The following STX8 variants were observed in gnomAD, a reference collection of about 807,000 sequenced individuals.
The protein encoded by STX8 is syntaxin-8.
STX8 carries 23 observed loss-of-function variants against 37.5 expected under a neutral mutation model. That is an observed-to-expected ratio of 0.61 (90% CI 0.44 to 0.87). The LOEUF (loss-of-function observed/expected upper bound fraction) is 0.87. Ranked by LOEUF, STX8 falls within the 40% of genes least tolerant of loss-of-function variation. The pLI, the probability that STX8 is intolerant of heterozygous loss-of-function variation, is 0.00. For synonymous variants in STX8, 115 were observed against 99.1 expected (o/e 1.16, Z -0.95); for missense variants, 313 against 284.7 (o/e 1.10, Z -0.71).
At chr17:9,324,183 G>A (rs1278007759) in intron 7 of STX8, among the ~76,000 whole-genome samples, 2 of 151,514 alleles carry the variant, frequency 1.3e-5, no homozygotes, top group East Asian at 1.9e-4. Flanking sequence ...CCAGTTGTAC[G>A]TGTATGTACA....
intron 4 of STX8, among the ~76,000 whole-genome samples, chr17:9,510,366 A>G (rs1330524890): frequency 1.3e-5 from 2 of 152,196 alleles, no homozygotes; most frequent in African/African-American, 4.8e-5. Flanking sequence ...TGGACTGACC[A>G]TATGTTAGGA....
At chr17:9,400,603 C>T (rs948837045) in intron 6 of STX8, among the ~76,000 whole-genome samples, 2 of 152,010 alleles carry the variant, frequency 1.3e-5, no homozygotes, top group Non-Finnish European at 2.9e-5. Context: ...CAGGGTTTCA[C>T]CATGTTGGTC....
At chr17:9,437,608 C>G (rs1904481384) in intron 6 of STX8, among the ~76,000 whole-genome samples, 1 of 152,212 alleles carries the variant, frequency 6.6e-6, no homozygotes, top group Non-Finnish European at 1.5e-5. Flanking sequence ...CATGTTAGGC[C>G]TCAATAGTTA....
intron 7 of STX8, among the ~76,000 whole-genome samples, chr17:9,273,735 C>G (rs1335335044): frequency 2.0e-5 from 3 of 152,264 alleles, no homozygotes; most frequent in African/African-American, 7.2e-5. Flanking sequence ...AGGCTATTGG[C>G]TAATTGCAGA....
chr17:9,546,538 G>C (rs1434749227), intron 3 of STX8, among the ~76,000 whole-genome samples: 9 of 145,166 alleles, frequency 6.2e-5, no homozygotes, highest in African/African-American at 2.3e-4. Flanking sequence ...ACTTCCCTTG[G>C]ACTAAGTACA....
At chr17:9,501,495 A>G (rs974223773) in intron 5 of STX8, among the ~76,000 whole-genome samples, 50 of 151,372 alleles carry the variant, frequency 3.3e-4, no homozygotes, top group African/African-American at 1.2e-3. Flanking sequence ...GTTTGAGACC[A>G]GCCTGGCCAA....
intron 6 of STX8, among the ~76,000 whole-genome samples, chr17:9,463,894 G>A (rs534769984): frequency 1.3e-3 from 198 of 147,602 alleles, no homozygotes; most frequent in Non-Finnish European, 2.2e-3. Context: ...GGCAACAAGA[G>A]TGAAACTCCA....
At chr17:9,426,332 G>A (rs9914395) in intron 6 of STX8, among the ~76,000 whole-genome samples, 78,515 of 151,562 alleles carry the variant, frequency 0.52, 21,038 homozygotes, top group African/African-American at 0.63. Flanking sequence ...TTTGAGACCA[G>A]CCTGGCCAAC....
intron 6 of STX8, among the ~76,000 whole-genome samples, chr17:9,391,912 C>T (rs979874084): frequency 6.6e-6 from 1 of 152,120 alleles, no homozygotes; most frequent in Non-Finnish European, 1.5e-5. Context: ...CCTGGATTCT[C>T]CTTTGAGAAG....
At chr17:9,354,117 T>A (rs1373588614) in intron 7 of STX8, among the ~76,000 whole-genome samples, 5 of 152,294 alleles carry the variant, frequency 3.3e-5, no homozygotes, top group Middle Eastern at 3.4e-3. Context: ...ACCTTCTCTT[T>A]CATTATAGGA....
intron 5 of STX8, among the ~76,000 whole-genome samples, chr17:9,495,359 T>C (rs1370091974): frequency 6.6e-6 from 1 of 152,186 alleles, no homozygotes; most frequent in African/African-American, 2.4e-5. Context: ...GATGTTATAG[T>C]AAAATTCTAA....
chr17:9,520,565 G>A (rs1266806700), intron 4 of STX8, among the ~76,000 whole-genome samples: 6 of 152,070 alleles, frequency 3.9e-5, no homozygotes, highest in East Asian at 1.9e-4. Flanking sequence ...CAGTAAATAC[G>A]TTAGATATCT....
At chr17:9,415,683 G>A (rs1332325891) in intron 6 of STX8, among the ~76,000 whole-genome samples, 1 of 152,148 alleles carries the variant, frequency 6.6e-6, no homozygotes, top group Non-Finnish European at 1.5e-5. Flanking sequence ...GCAAGAGAAT[G>A]GCGTGAACCC....
chr17:9,518,718 A>G (rs1975833), intron 4 of STX8, among the ~76,000 whole-genome samples: 104,806 of 151,766 alleles, frequency 0.69, 38,088 homozygotes, highest in Middle Eastern at 0.85. Context: ...AATACAAAAA[A>G]TTAGCTGGGC....
At chr17:9,546,618 A>C (rs1404148716) in intron 3 of STX8, among the ~76,000 whole-genome samples, 1 of 3,346 alleles carries the variant, frequency 3.0e-4, no homozygotes, top group South Asian at 0.011. Context: ...TTTTTTTTGG[A>C]GACGGAGCCT....
At chr17:9,303,791 C>T (rs1908865771) in intron 7 of STX8, among the ~76,000 whole-genome samples, 1 of 151,950 alleles carries the variant, frequency 6.6e-6, no homozygotes, top group Admixed American at 6.6e-5. Flanking sequence ...AGGATAAACT[C>T]CAAATGGATC....
intron 7 of STX8, among the ~76,000 whole-genome samples, chr17:9,289,788 A>AAAAAC (rs376698238): frequency 4.8e-4 from 44 of 91,786 alleles, no homozygotes; most frequent in East Asian, 3.3e-3. Flanking sequence ...TCAAAAAAAC[A>AAAAAC]AAAACAAAAC....
intron 6 of STX8, among the ~76,000 whole-genome samples, chr17:9,461,743 C>CTAT (rs538704518): frequency 6.6e-6 from 1 of 151,906 alleles, no homozygotes; most frequent in Admixed American, 6.6e-5. Flanking sequence ...CACTTTATTT[C>CTAT]TATTATTATT....
At chr17:9,560,941 C>T (rs552203954) in intron 2 of STX8, among the ~76,000 whole-genome samples, 1 of 152,080 alleles carries the variant, frequency 6.6e-6, no homozygotes, top group South Asian at 2.1e-4. Context: ...GGCCCAGAAA[C>T]AATGTAGCTG....
Sources: allele counts gnomAD v4.1 joint callset (sites outside exome capture counted in the v4.1 genomes callset), GRCh38; gene constraint gnomAD v4.1.1; transcripts MANE v1.5; gene names NCBI Gene and HGNC (gene_info 2026-07-23, HGNC 2026-07-21).